KLF8: variants seen among roughly 807,000 people sequenced by gnomAD.
KLF8 encodes KLF transcription factor 8.
KLF8 carries 10 observed loss-of-function variants against 18.2 expected under a neutral mutation model. The observed-to-expected ratio is 0.55, with a 90% CI of 0.34 to 0.93. The LOEUF is 0.93. KLF8 is among the 40% of genes least tolerant of loss of function. KLF8 has a pLI of 0.02. For missense variants in KLF8, 264 were observed against 277.9 expected (o/e 0.95, Z 0.36); for synonymous variants, 109 against 97.3 (o/e 1.12, Z -0.71).
At chrX:56,235,692 A>C (rs1212420440) in intron 1 of KLF8, among the ~76,000 whole-genome samples, 2 of 111,412 alleles carry the variant, frequency 1.8e-5, no homozygotes, top group Admixed American at 9.5e-5. Context: ...CTGGGATTAC[A>C]GGCATGAGCC....
the KLF8 span, among the ~76,000 whole-genome samples, chrX:56,120,378 T>A: frequency 8.9e-6 from 1 of 111,974 alleles, no homozygotes; most frequent in Non-Finnish European, 1.9e-5. Flanking sequence ...ACAAACACTA[T>A]TTCCCACTAT....
the KLF8 span, among the ~76,000 whole-genome samples, chrX:56,201,320 G>A: frequency 8.9e-6 from 1 of 111,921 alleles, no homozygotes; most frequent in Admixed American, 9.6e-5. Context: ...AACATGGATG[G>A]AGCTGGAGGA....
chrX:56,051,288 C>T, the KLF8 span, among the ~76,000 whole-genome samples: 309 of 109,245 alleles, frequency 2.8e-3, 4 homozygotes, highest in African/African-American at 9.6e-3. Context: ...AATATTGTTA[C>T]GTGTGAATTT....
the KLF8 span, among the ~76,000 whole-genome samples, chrX:56,100,898 T>A: frequency 1.8e-5 from 2 of 112,198 alleles, no homozygotes; most frequent in Non-Finnish European, 3.8e-5. Flanking sequence ...ACATTTAAAG[T>A]GTGCGGTGCA....
the KLF8 span, among the ~76,000 whole-genome samples, chrX:55,994,911 G>A: frequency 4.5e-5 from 5 of 111,889 alleles, no homozygotes; most frequent in African/African-American, 9.8e-5. Flanking sequence ...CCAGTGTTCT[G>A]CTGAAGTCTG....
At chrX:56,110,282 T>C in the KLF8 span, among the ~76,000 whole-genome samples, 32 of 111,889 alleles carry the variant, frequency 2.9e-4, no homozygotes, top group African/African-American at 1.0e-3. Flanking sequence ...TATAGTTACA[T>C]CATCTCACTT....
At chrX:56,247,677 A>T (rs1032441685) in intron 1 of KLF8, among the ~76,000 whole-genome samples, 1 of 110,580 alleles carries the variant, frequency 9.0e-6, no homozygotes, top group Non-Finnish European at 1.9e-5. Context: ...GAGGGTCAGG[A>T]TCATCAATAT....
the KLF8 span, among the ~76,000 whole-genome samples, chrX:56,057,692 C>T: frequency 9.0e-6 from 1 of 111,262 alleles, no homozygotes; most frequent in African/African-American, 3.3e-5. Context: ...GTCAGACCAG[C>T]CCCATGTGGT....
the KLF8 span, among the ~76,000 whole-genome samples, chrX:56,169,410 G>A: frequency 9.0e-6 from 1 of 111,461 alleles, no homozygotes; most frequent in Non-Finnish European, 1.9e-5. Context: ...CTTGATTCCA[G>A]TGAAAGTCCA....
rs1337615539 is a variant in KLF8, at chrX:56,248,164, TG to T, written c.8-2061del. ...TCACACACTGGGGCCTGTCATGGGG[TG>T]GGGGGAGAGCGGAGGGATAGCATTA... On this transcript the variant is annotated intron_variant, in intron 1 of 5. Transcript: ENST00000468660. Among the ~76,000 whole-genome samples the T allele has an allele frequency of 2.7e-5, 3 of 109,428 alleles. No homozygotes were observed. In the East Asian group the frequency reaches 8.6e-4, roughly 31 times the overall value.
the KLF8 span, among the ~76,000 whole-genome samples, chrX:55,969,587 A>G: frequency 9.0e-6 from 1 of 111,660 alleles, no homozygotes; most frequent in Non-Finnish European, 1.9e-5. Flanking sequence ...TAGAAGAGAT[A>G]ACAAAGAGCG....
At chrX:56,142,537 C>G in the KLF8 span, among the ~76,000 whole-genome samples, 12 of 111,393 alleles carry the variant, frequency 1.1e-4, no homozygotes, top group African/African-American at 3.9e-4. Flanking sequence ...CACATGCCAT[C>G]TAAATGTCAA....
chrX:56,134,786 G>T, the KLF8 span, among the ~76,000 whole-genome samples: 1 of 108,673 alleles, frequency 9.2e-6, no homozygotes, highest in African/African-American at 3.4e-5. Context: ...ATCTACAAGG[G>T]ACTCAAACAA....
At chrX:56,177,899 C>G in the KLF8 span, among the ~76,000 whole-genome samples, 1 of 112,046 alleles carries the variant, frequency 8.9e-6, no homozygotes, top group Non-Finnish European at 1.9e-5. Context: ...TCCCTCCAAG[C>G]CAGGTGCCAG....
the KLF8 span, among the ~76,000 whole-genome samples, chrX:56,155,367 A>T: frequency 9.0e-6 from 1 of 111,267 alleles, no homozygotes; most frequent in Non-Finnish European, 1.9e-5. Context: ...AAAAAACCAA[A>T]CATCACATGT....
chrX:56,277,124 G>C (rs2067133186), intron 5 of KLF8, among the ~76,000 whole-genome samples: 1 of 111,933 alleles, frequency 8.9e-6, no homozygotes, highest in African/African-American at 3.3e-5. Flanking sequence ...TTCTCTTTCT[G>C]AATGGTCACA....
At chrX:56,231,631 A>G (rs1007483513), upstream of KLF8, among the ~76,000 whole-genome samples, 8 of 111,391 alleles carry the variant, frequency 7.2e-5, no homozygotes, top group Admixed American at 4.8e-4. Flanking sequence ...GTTGCTTGTG[A>G]CTTCCTGGCC....
chrX:56,266,012 T>C (rs886271261), intron 3 of KLF8: 1 of 852,449 alleles, frequency 1.2e-6, no homozygotes, highest in Non-Finnish European at 1.4e-6. Context: ...TTATTTGATA[T>C]TAAATAATTT....
At chrX:56,086,734 A>C in the KLF8 span, among the ~76,000 whole-genome samples, 1 of 111,376 alleles carries the variant, frequency 9.0e-6, no homozygotes, top group Non-Finnish European at 1.9e-5. Flanking sequence ...GTGATTAGTC[A>C]GTCTAAAACC....
Sources: allele counts gnomAD v4.1 joint callset (sites outside exome capture counted in the v4.1 genomes callset), GRCh38; gene constraint gnomAD v4.1.1; transcripts MANE v1.5; gene names NCBI Gene and HGNC (gene_info 2026-07-23, HGNC 2026-07-21).